SH3RF3: variants seen among roughly 807,000 people sequenced by gnomAD.
SH3RF3 encodes the protein E3 ubiquitin-protein ligase SH3RF3.
SH3RF3 carries 29 observed loss-of-function variants against 66.3 expected under a neutral mutation model. The observed-to-expected ratio is 0.44, with a 90% CI of 0.33 to 0.60. The LOEUF is 0.60. SH3RF3 is among the 20% of genes least tolerant of loss of function. The pLI, the probability that SH3RF3 is intolerant of heterozygous loss-of-function variation, is 0.04. For synonymous variants in SH3RF3, 583 were observed against 532.0 expected (o/e 1.10, Z -1.32); for missense variants, 1,194 against 1,190.9 (o/e 1.00, Z -0.04).
At chr2:109,165,287 G>A (rs542322423) in intron 1 of SH3RF3, among the ~76,000 whole-genome samples, 3 of 152,188 alleles carry the variant, frequency 2.0e-5, no homozygotes, top group Non-Finnish European at 4.4e-5. Flanking sequence ...GTAACTGCTG[G>A]TGCTACTGGC....
At chr2:109,139,281 C>T (rs551264623) in intron 1 of SH3RF3, among the ~76,000 whole-genome samples, 4 of 152,014 alleles carry the variant, frequency 2.6e-5, no homozygotes, top group East Asian at 1.9e-4. Flanking sequence ...AAATTAATGT[C>T]GCCTTAACAA....
intron 3 of SH3RF3, among the ~76,000 whole-genome samples, chr2:109,372,304 G>A (rs747583832): frequency 6.6e-6 from 1 of 152,196 alleles, no homozygotes; most frequent in Non-Finnish European, 1.5e-5. Flanking sequence ...CTTAACACGT[G>A]TGTCTTTAAA....
At chr2:109,267,504 G>C (rs1351955196) in intron 1 of SH3RF3, among the ~76,000 whole-genome samples, 1 of 152,202 alleles carries the variant, frequency 6.6e-6, no homozygotes, top group Non-Finnish European at 1.5e-5. Flanking sequence ...CAGGTGGAAA[G>C]TCTTTGTGCT....
chr2:109,163,350 C>A (rs1017639127), intron 1 of SH3RF3, among the ~76,000 whole-genome samples: 43 of 141,106 alleles, frequency 3.0e-4, no homozygotes, highest in African/African-American at 1.1e-3. Flanking sequence ...CATCAAAGGG[C>A]GGACTGGAGT....
At chr2:109,239,565 G>T (rs928611696) in intron 1 of SH3RF3, among the ~76,000 whole-genome samples, 3 of 152,224 alleles carry the variant, frequency 2.0e-5, no homozygotes, top group Non-Finnish European at 4.4e-5. Flanking sequence ...GGGTTAGTGG[G>T]CAGACACCAT....
chr2:109,284,954 TGG>T (rs1680993341), intron 1 of SH3RF3, among the ~76,000 whole-genome samples: 2 of 152,370 alleles, frequency 1.3e-5, no homozygotes, highest in Admixed American at 1.3e-4. Flanking sequence ...AAAGACATTC[TGG>T]CCTTGTGCCA....
chr2:109,344,374 GCT>G (rs200915030), intron 1 of SH3RF3, among the ~76,000 whole-genome samples: 1,643 of 152,282 alleles, frequency 0.011, 22 homozygotes, highest in Middle Eastern at 0.027. Context: ...GTAGCATGGA[GCT>G]CTGTCTGCAA....
chr2:109,214,859 C>T (rs760639624), intron 1 of SH3RF3, among the ~76,000 whole-genome samples: 1 of 152,128 alleles, frequency 6.6e-6, no homozygotes, highest in South Asian at 2.1e-4. Context: ...GGGGGTGACG[C>T]GGACAGCAGT....
At chr2:109,439,756 A>T (rs1573253347) in intron 7 of SH3RF3, among the ~76,000 whole-genome samples, 2 of 152,122 alleles carry the variant, frequency 1.3e-5, no homozygotes, top group Admixed American at 6.5e-5. Flanking sequence ...AAGGAGCTAG[A>T]TACAGGCAAG....
At chr2:109,478,043 C>T (rs1205375992) in intron 8 of SH3RF3, among the ~76,000 whole-genome samples, 1 of 152,214 alleles carries the variant, frequency 6.6e-6, no homozygotes, top group Non-Finnish European at 1.5e-5. Context: ...CTGAGAGAGA[C>T]CCTGGGGAGG....
chr2:109,380,345 C>T (rs549058026), intron 3 of SH3RF3, among the ~76,000 whole-genome samples: 1 of 152,288 alleles, frequency 6.6e-6, no homozygotes, highest in South Asian at 2.1e-4. Context: ...GAGGCCAGAC[C>T]TGTAACTCAC....
chr2:109,459,001 G>A (rs1018598087), intron 8 of SH3RF3, among the ~76,000 whole-genome samples: 6 of 152,052 alleles, frequency 3.9e-5, no homozygotes, highest in African/African-American at 7.2e-5. Context: ...TCCACATAAA[G>A]ACAAAAGCAA....
At chr2:109,326,155 T>C (rs185348541) in intron 1 of SH3RF3, among the ~76,000 whole-genome samples, 2 of 152,258 alleles carry the variant, frequency 1.3e-5, no homozygotes, top group African/African-American at 4.8e-5. Flanking sequence ...TTTATCTATC[T>C]GTTCTTGGTG....
At chr2:109,211,802 C>G (rs1039945155) in intron 1 of SH3RF3, among the ~76,000 whole-genome samples, 11 of 152,052 alleles carry the variant, frequency 7.2e-5, no homozygotes, top group African/African-American at 2.7e-4. Context: ...TTCACCATGC[C>G]CAGCTATTTT....
chr2:109,481,000 C>T (rs566465390), intron 8 of SH3RF3, among the ~76,000 whole-genome samples: 3 of 152,286 alleles, frequency 2.0e-5, no homozygotes, highest in East Asian at 1.9e-4. Context: ...AACTGAAGAG[C>T]CAAGCTGTGT....
chr2:109,392,525 T>G (rs1381504146), intron 3 of SH3RF3, among the ~76,000 whole-genome samples: 1 of 152,078 alleles, frequency 6.6e-6, no homozygotes, highest in South Asian at 2.1e-4. Context: ...CTTTTTTTTT[T>G]TGGAGACGGA....
chr2:109,256,861 C>T (rs746994845), intron 1 of SH3RF3, among the ~76,000 whole-genome samples: 3 of 152,098 alleles, frequency 2.0e-5, no homozygotes, highest in East Asian at 1.9e-4. Flanking sequence ...TCCATTGTCC[C>T]GGAGACTAAC....
At chr2:109,163,593 G>T (rs934419831) in intron 1 of SH3RF3, among the ~76,000 whole-genome samples, 2 of 151,248 alleles carry the variant, frequency 1.3e-5, no homozygotes, top group Non-Finnish European at 2.9e-5. Flanking sequence ...TAGAGACGGG[G>T]TTTCACCGTT....
intron 1 of SH3RF3, among the ~76,000 whole-genome samples, chr2:109,299,706 A>G (rs1243660871): frequency 6.6e-6 from 1 of 152,172 alleles, no homozygotes; most frequent in Non-Finnish European, 1.5e-5. Flanking sequence ...CTAAATAATC[A>G]GGGGGATAAA....
Sources: allele counts gnomAD v4.1 joint callset (sites outside exome capture counted in the v4.1 genomes callset), GRCh38; gene constraint gnomAD v4.1.1; transcripts MANE v1.5; gene names NCBI Gene and HGNC (gene_info 2026-07-23, HGNC 2026-07-21).